The following PDE6B variants were observed in gnomAD, a reference collection of about 807,000 sequenced individuals.
PDE6B encodes the protein phosphodiesterase 6B.
A neutral mutation model predicts 109.0 loss-of-function variants in PDE6B; 106 were observed. The observed-to-expected ratio is 0.97, with a 90% CI of 0.83 to 1.14. The LOEUF is 1.14. Among genes scored for constraint, PDE6B ranks in the 50% most tolerant of loss-of-function variants. The probability of loss-of-function intolerance (pLI) is 0.00; values close to 1 mark genes in which losing one functional copy is unlikely to be tolerated. For synonymous variants in PDE6B, 490 were observed against 471.3 expected, an observed-to-expected ratio of 1.04 and a Z score of -0.51; for missense variants, 1,193 against 1,155.6, an observed-to-expected ratio of 1.03 and a Z score of -0.47.
At chr4:635,810 C>A in intron 2 of PDE6B, 70 bp from the exon 3 acceptor site, 1 of 858,090 alleles carries the variant, frequency 1.2e-6, no homozygotes, top group Non-Finnish European at 2.0e-6. Flanking sequence ...GTTTCTCCTG[C>A]AAAATACCCA....
At chr4:627,306 C>G (rs369480338) in intron 1 of PDE6B, among the ~76,000 whole-genome samples, 17 of 152,160 alleles carry the variant, frequency 1.1e-4, no homozygotes, top group Non-Finnish European at 1.9e-4. Context: ...CCACCACACC[C>G]GGCTAATTTT....
chr4:666,417 G>C lies in PDE6B; in HGVS notation c.2269-114G>C, dbSNP rs910823939. 2.6e-6 allele frequency: 2 copies of C among 757,924 alleles called. No homozygotes were observed. The highest frequency in any genetic ancestry group is 4.8e-6 in the Non-Finnish European group (2 of 419,332). 46.9% of individuals were successfully genotyped at this position (757,924 alleles called of 1,614,324 possible). ...GAGCCAGTTTCTGTCAGGCAGGCTC[G>C]TCCCAGGCTGTGTCTCCATGAGCAC... On this transcript the variant is annotated intron_variant, in intron 19 of 21. Transcript: ENST00000496514. The surrounding 1 kb of genome is among the most constrained non-coding windows in gnomAD (Gnocchi z 5.6).
chr4:630,092 C>A (rs1000383935), intron 1 of PDE6B, among the ~76,000 whole-genome samples: 2 of 152,170 alleles, frequency 1.3e-5, no homozygotes, highest in Non-Finnish European at 2.9e-5. Flanking sequence ...GACACAGAAC[C>A]CAGAGGGCAC....
In PDE6B at chr4:632,801, G is replaced by A. The variant is rs35207129; in HGVS notation, c.469-1876G>A. 7.9e-5 allele frequency among the ~76,000 whole-genome samples: 12 copies of A among 150,984 alleles called. No individual in the cohort carries two copies. In the South Asian group the frequency reaches 1.5e-3, roughly 19 times the overall value. ...ACGTTGTGTGGATCTGCATGGTGCC[G>A]AGGGTCACATTGTGTGGATCTGTGT... is the stretch of plus-strand genomic sequence containing the variant. On this transcript the variant is annotated intron_variant, in intron 1 of 21. Transcript: ENST00000496514.
rs1577260666 is a variant in PDE6B at position 648,822 on chromosome 4, A to G, written c.712-5030A>G. On this transcript the variant is annotated intron_variant, in intron 3 of 21. Transcript: ENST00000496514. This position sits in a 1 kb window ranked among gnomAD's most constrained non-coding sequence, Gnocchi z 4.5. ...GTGCAGGGCTGCAGCTCTCACCTTC[A>G]GGCCGGCCATGCGTCAGGACCCGGT... is the stretch of plus-strand genomic sequence containing the variant. Among the ~76,000 whole-genome samples, 1 of 152,246 alleles carries G rather than the reference A, an allele frequency of 6.6e-6. No homozygotes were observed. The highest frequency in any genetic ancestry group is 6.5e-5 in the Admixed American group (1 of 15,284).
chr4:667,565 T>C (rs1737939344), intron 20 of PDE6B, among the ~76,000 whole-genome samples: 1 of 152,086 alleles, frequency 6.6e-6, no homozygotes, highest in Admixed American at 6.5e-5. Flanking sequence ...CCCCTCTGCC[T>C]GGCACCCTGC....
intron 16 of PDE6B, 30 bp from the exon 17 acceptor site, chr4:664,084 A>G: frequency 6.8e-7 from 1 of 1,466,782 alleles, no homozygotes; most frequent in Non-Finnish European, 9.6e-7. Context: ...ACTTGCTCCC[A>G]CCTGCACCTC....
rs769236776 is a variant in PDE6B, at chr4:654,204, C to T, written c.927+50C>T. ...GGCCTGTCCACACGCCTCTGTTTCC[C>T]TGACTCCAACTCCAGGGCAGGAGAG... On this transcript the variant is annotated intron_variant, in intron 5 of 21. Transcript: ENST00000496514. 2.0e-6 allele frequency: 3 copies of T among 1,507,096 alleles called. No individual in the cohort carries two copies. The East Asian group carries it at 6.8e-5, about 34-fold the overall frequency. 93.4% of individuals were successfully genotyped at this position (1,507,096 alleles called of 1,614,324 possible). A position where few individuals can be genotyped will look rare whatever the true frequency, so the allele number is the denominator to read the frequency against.
At chr4:628,933 G>C (rs1485022804) in intron 1 of PDE6B, among the ~76,000 whole-genome samples, 3 of 152,240 alleles carry the variant, frequency 2.0e-5, no homozygotes, top group African/African-American at 7.2e-5. Context: ...CACAAGGGGG[G>C]CCCTGCCGGG....
chr4:628,046 G>A (rs1394967793), intron 1 of PDE6B, among the ~76,000 whole-genome samples: 1 of 152,174 alleles, frequency 6.6e-6, no homozygotes, highest in African/African-American at 2.4e-5. Context: ...GCCCAGTGTA[G>A]CTGGTGCCAT....
intron 3 of PDE6B, chr4:653,395 G>T: frequency 9.6e-7 from 1 of 1,042,456 alleles, no homozygotes; most frequent in Non-Finnish European, 1.2e-6. Context: ...GTGGGGTCTG[G>T]CCAGGACCTC....
chr4:665,079 G>T lies in PDE6B; in HGVS notation c.2193+135G>T. On this transcript the variant is annotated intron_variant, in intron 18 of 21. Transcript: ENST00000496514. This position sits in a 1 kb window ranked among gnomAD's most constrained non-coding sequence, Gnocchi z 4.0. ...GAGGGCCACCTCGGGGCCAGGCCAG[G>T]GCGGCAAGGATGGGGGTACTGCAGT... is the stretch of plus-strand genomic sequence containing the variant. The T allele has an allele frequency of 1.2e-6, 1 of 859,438 alleles. No homozygotes were observed. Among genetic ancestry groups the T allele is most frequent in the Non-Finnish European group, 2.0e-6 (1 of 511,104 alleles). The allele number at this position is 859,438 out of a possible 1,614,324, so 53.2% of individuals were successfully genotyped here. A position where few individuals can be genotyped will look rare whatever the true frequency, so the allele number is the denominator to read the frequency against.
In PDE6B at chr4:634,046, C is replaced by T. The variant is rs369908018; in HGVS notation, c.469-631C>T. ...GGGAGCCAGAGGCAGGCAAAGTTCTCATCACGGTGGGCCCCAGACCCCAGG... is the reference window on the plus strand; with the variant it reads ...GGGAGCCAGAGGCAGGCAAAGTTCTTATCACGGTGGGCCCCAGACCCCAGG... On this transcript the variant is annotated intron_variant, in intron 1 of 21. Transcript: ENST00000496514. Among the ~76,000 whole-genome samples, 58 of 152,048 alleles carry T rather than the reference C, an allele frequency of 3.8e-4. 1 individual carries two copies. Among genetic ancestry groups the T allele is most frequent in the African/African-American group, 1.0e-3 (43 of 41,490 alleles).
At position 634,790 on chromosome 4, in the gene PDE6B, C is replaced by T. The variant is rs762428361; in HGVS notation, c.582C>T (p.Asn194=). Reference sequence around the variant, plus strand: ...TCGTGGCGGTGATCATGGCAGTGAACAAGCTCAACGGCCCATTCTTCACCA... The same window carrying T: ...TCGTGGCGGTGATCATGGCAGTGAATAAGCTCAACGGCCCATTCTTCACCA... The part of the protein sequence containing the change: ...KDVVAVIMAV[N]KLNGPFFTSE... Residue 194 remains asparagine (N), a synonymous_variant, in exon 2 of 22, where the codon AAC becomes AAT. Coordinates refer to ENST00000496514, the MANE Select transcript of PDE6B (RefSeq NM_000283.4). 4.3e-6 allele frequency: 7 copies of T among 1,613,982 alleles called. No homozygotes were observed. In the South Asian group the frequency reaches 5.5e-5, roughly 13 times the overall value.
At chr4:651,980 T>C (rs58972174) in intron 3 of PDE6B, 5 of 7,828 alleles carry the variant, frequency 6.4e-4, no homozygotes, top group Non-Finnish European at 9.0e-4. Flanking sequence ...AGCAGCTCCA[T>C]GACTGTGACT....
chr4:655,164 C>G (rs369664078), intron 6 of PDE6B: 27 of 534,222 alleles, frequency 5.1e-5, no homozygotes, highest in African/African-American at 4.2e-4. Flanking sequence ...TACAGGGGAC[C>G]AGGCAAGCTG....
In PDE6B at chr4:662,556, G is replaced by A. The variant is rs369416193; in HGVS notation, c.1770G>A (p.Met590Ile). The A allele has an allele frequency of 1.2e-6, 2 of 1,613,188 alleles. No individual in the cohort carries two copies. The highest frequency in any genetic ancestry group is 1.7e-5 in the Admixed American group (1 of 60,030). ...SYYTDLEAFA[M>I]VTAGLCHDID... ...ACACGGACCTGGAGGCCTTCGCCAT[G>A]GTGACAGCCGGCCTGTGCCATGACA... Residue 590 changes from methionine to isoleucine, a missense_variant, in exon 14 of 22, where the codon ATG becomes ATA. Physicochemically the swap from Met to Ile is conservative, Grantham distance 10. Coordinates refer to ENST00000496514, the MANE Select transcript of PDE6B (RefSeq NM_000283.4). This position sits in a 1 kb window ranked among gnomAD's most constrained non-coding sequence, Gnocchi z 4.3.
At chr4:655,884 T>C in intron 6 of PDE6B, 56 bp from the exon 7 acceptor site, 1 of 1,007,034 alleles carries the variant, frequency 9.9e-7, no homozygotes, top group Non-Finnish European at 1.6e-6. Context: ...CTCTGACTCC[T>C]GCACGCGCAC....
chr4:659,293 G>C (rs983088922), intron 11 of PDE6B, among the ~76,000 whole-genome samples: 2 of 152,208 alleles, frequency 1.3e-5, no homozygotes, highest in African/African-American at 4.8e-5. Context: ...GTGTCTTCCT[G>C]TCTCCTCTGT....
Sources: gnomAD v4.1 joint callset for allele counts (sites outside exome capture counted in the v4.1 genomes callset) on GRCh38, gnomAD v4.1.1 for gene constraint, Gnocchi (gnomAD v3.1) non-coding constraint, MANE v1.5 for transcripts, NCBI Gene and HGNC (gene_info 2026-07-23, HGNC 2026-07-21) for gene names.